The following ENOX1 variants were observed in gnomAD, a reference collection of about 807,000 sequenced individuals.
ENOX1 encodes the protein ecto-NOX disulfide-thiol exchanger 1, also known as candidate growth-related and time keeping constitutive hydroquinone (NADH) oxidase.
ENOX1 carries 42 observed loss-of-function variants against 82.5 expected under a neutral mutation model. That is an observed-to-expected ratio of 0.51 (90% CI 0.40 to 0.66). ENOX1 has a LOEUF of 0.66. Ranked by LOEUF, ENOX1 falls within the 30% of genes least tolerant of loss-of-function variation. The pLI is 0.00. For missense variants in ENOX1, 608 were observed against 811.6 expected (o/e 0.75, Z 3.05); for synonymous variants, 271 against 282.2 (o/e 0.96, Z 0.40).
intron 3 of ENOX1, among the ~76,000 whole-genome samples, chr13:43,469,819 T>C (rs1186589253): frequency 6.6e-6 from 1 of 151,538 alleles, no homozygotes; most frequent in Non-Finnish European, 1.5e-5. Context: ...ACCAATTTTG[T>C]AAAAAACAAA....
At chr13:43,349,869 CCCTGTCCCCACGACCAATTAA>C (rs1280154940) in intron 8 of ENOX1, among the ~76,000 whole-genome samples, 4 of 81,324 alleles carry the variant, frequency 4.9e-5, no homozygotes, top group Non-Finnish European at 1.1e-4. Flanking sequence ...GAGTCTCTAT[CCCTGTCCCCACGACCAATTAA>C]ATCCCTGTCC....
chr13:43,470,297 C>CAT (rs1459174994), intron 3 of ENOX1, among the ~76,000 whole-genome samples: 1 of 37,932 alleles, frequency 2.6e-5, no homozygotes, highest in East Asian at 3.6e-4. Flanking sequence ...TATATATACA[C>CAT]ATATATATAC....
intron 9 of ENOX1, among the ~76,000 whole-genome samples, chr13:43,342,099 C>T (rs1040811310): frequency 5.3e-5 from 8 of 152,160 alleles, no homozygotes; most frequent in African/African-American, 1.9e-4. Flanking sequence ...CAGCCTTGAA[C>T]CACTGGACCA....
At chr13:43,237,303 C>T (rs558197697) in intron 14 of ENOX1, among the ~76,000 whole-genome samples, 11 of 152,180 alleles carry the variant, frequency 7.2e-5, no homozygotes, top group African/African-American at 2.6e-4. Flanking sequence ...GTACAACAAG[C>T]CAATAACACG....
At chr13:43,693,360 A>G (rs117581028) in intron 1 of ENOX1, among the ~76,000 whole-genome samples, 381 of 152,320 alleles carry the variant, frequency 2.5e-3, no homozygotes, top group Non-Finnish European at 4.1e-3. Context: ...CATGTCTAAA[A>G]AAGCTGCCAT....
chr13:43,344,544 T>C lies in ENOX1; in HGVS notation c.1030A>G (p.Thr344Ala). Reference protein sequence around the residue: ...NFKNALTGILTQFEQIVAVFN... With the variant: ...NFKNALTGILAQFEQIVAVFN... The stretch of plus-strand genomic sequence containing the variant: ...CCCCCAAAATTTTACTTACATTGAG[T>C]GAGAATCCCAGTTAAGGCATTTTTA... Residue 344 changes from threonine (T) to alanine (A), a missense_variant, in exon 9 of 17, where the codon ACT becomes GCT. Physicochemically the swap from Thr to Ala is moderately conservative, Grantham distance 58 (BLOSUM62 0). Transcript: ENST00000690772. 1 of 1,613,578 alleles carries C rather than the reference T, an allele frequency of 6.2e-7. No individual in the cohort carries two copies. The highest frequency in any genetic ancestry group is 8.5e-7 in the Non-Finnish European group (1 of 1,179,722).
At chr13:43,274,299 A>G (rs1433529904) in intron 12 of ENOX1, among the ~76,000 whole-genome samples, 1 of 152,266 alleles carries the variant, frequency 6.6e-6, no homozygotes, top group Non-Finnish European at 1.5e-5. Context: ...CCATTATCAG[A>G]AAAATAAAAT....
At chr13:43,447,833 T>C (rs900671038) in intron 3 of ENOX1, among the ~76,000 whole-genome samples, 4 of 152,302 alleles carry the variant, frequency 2.6e-5, no homozygotes, top group African/African-American at 9.6e-5. Flanking sequence ...GAGTATATGA[T>C]TTTCCAAGTA....
rs181196718 is a variant in ENOX1, at chr13:43,508,061, G to T, written c.-218-23909C>A. Among the ~76,000 whole-genome samples the T allele has an allele frequency of 3.5e-3, 532 of 151,982 alleles. 3 individuals are homozygous for T. The highest frequency in any genetic ancestry group is 5.9e-3 in the Non-Finnish European group (404 of 67,918). ...TGAGAGAAACTGGAAGGCATTAAAG[G>T]GAGGAGTTATAGAAAGAATGATTGT... On this transcript the variant is annotated intron_variant, in intron 2 of 16. Transcript: ENST00000690772.
intron 2 of ENOX1, among the ~76,000 whole-genome samples, chr13:43,636,018 T>C (rs2083400627): frequency 6.6e-6 from 1 of 152,176 alleles, no homozygotes; most frequent in African/African-American, 2.4e-5. Context: ...CCAGAATTGC[T>C]GTCAGCACAG....
chr13:43,584,926 C>G (rs1351768482), intron 2 of ENOX1, among the ~76,000 whole-genome samples: 1 of 152,202 alleles, frequency 6.6e-6, no homozygotes, highest in African/African-American at 2.4e-5. Flanking sequence ...CCATCGCAAG[C>G]ACAAACTGGG....
rs112974839 is a variant in ENOX1, at chr13:43,726,215, CT to C, written c.-284-58672del. Among the ~76,000 whole-genome samples the C allele has an allele frequency of 6.8e-3, 923 of 135,428 alleles. 3 individuals are homozygous for C. Among genetic ancestry groups the C allele is most frequent in the African/African-American group, 0.017 (611 of 36,456 alleles). 88.8% of individuals were successfully genotyped at this position (135,428 alleles called of 152,430 possible). On this transcript the variant is annotated intron_variant, in intron 1 of 16. Transcript: ENST00000690772. ...TGACTTTTGTTATGAAATTTTTCAT[CT>C]TTTTTTTTTTTTTTTTGAGATGGAG... is the stretch of plus-strand genomic sequence containing the variant.
intron 2 of ENOX1, among the ~76,000 whole-genome samples, chr13:43,586,946 T>G (rs1162437967): frequency 1.3e-5 from 2 of 151,408 alleles, no homozygotes; most frequent in Admixed American, 1.3e-4. Flanking sequence ...TGGTGGCACG[T>G]GCCTGTAATT....
At chr13:43,680,489 C>G (rs374871959) in intron 1 of ENOX1, among the ~76,000 whole-genome samples, 2 of 152,234 alleles carry the variant, frequency 1.3e-5, no homozygotes, top group African/African-American at 4.8e-5. Context: ...TACATCATCT[C>G]TGCCTTGGAG....
intron 11 of ENOX1, among the ~76,000 whole-genome samples, chr13:43,313,124 G>A (rs2047301146): frequency 6.6e-6 from 1 of 152,154 alleles, no homozygotes; most frequent in Non-Finnish European, 1.5e-5. Context: ...AAAGGAGAAA[G>A]CTAGTATTGA....
At chr13:43,566,264 A>G (rs1437042240) in intron 2 of ENOX1, among the ~76,000 whole-genome samples, 8 of 152,132 alleles carry the variant, frequency 5.3e-5, no homozygotes, top group African/African-American at 1.9e-4. Context: ...AATTCTTGCA[A>G]TAATAAGACT....
intron 12 of ENOX1, among the ~76,000 whole-genome samples, chr13:43,272,154 G>T (rs912438368): frequency 6.6e-6 from 1 of 152,012 alleles, no homozygotes; most frequent in Non-Finnish European, 1.5e-5. Context: ...GTGTAGGTTT[G>T]TTACATAGGT....
At chr13:43,506,354 G>A (rs1158094916) in intron 2 of ENOX1, among the ~76,000 whole-genome samples, 1 of 151,536 alleles carries the variant, frequency 6.6e-6, no homozygotes, top group Non-Finnish European at 1.5e-5. Flanking sequence ...TGGAGAGGAT[G>A]TGGAGAAATA....
chr13:43,347,349 T>C (rs2049455959), intron 8 of ENOX1, among the ~76,000 whole-genome samples: 1 of 152,190 alleles, frequency 6.6e-6, no homozygotes, highest in Admixed American at 6.5e-5. Context: ...CAGAATTCCA[T>C]TAGCCTAAAA....
Sources: allele counts gnomAD v4.1 joint callset (sites outside exome capture counted in the v4.1 genomes callset), GRCh38; gene constraint gnomAD v4.1.1; transcripts MANE v1.5; gene names NCBI Gene and HGNC (gene_info 2026-07-23, HGNC 2026-07-21).